Variants in MICAL2 observed in about 807,000 individuals in gnomAD.
MICAL2 encodes microtubule associated monooxygenase, calponin and LIM domain containing 2.
MICAL2 carries 77 observed loss-of-function variants against 127.3 expected under a neutral mutation model. The observed-to-expected ratio is 0.60, with a 90% confidence interval of 0.50 to 0.73. The LOEUF (loss-of-function observed/expected upper bound fraction) is 0.73, where lower values mean the gene tolerates loss of function less well. Among genes scored for constraint, MICAL2 ranks in the 30% least tolerant of loss-of-function variants. The pLI is 0.00. For missense variants in MICAL2, 1,351 were observed against 1,434.4 expected (o/e 0.94, Z 0.94); for synonymous variants, 570 against 551.1 (o/e 1.03, Z -0.48).
At chr11:12,292,385 C>A (rs999924891), downstream of MICAL2, 5 of 1,449,050 alleles carry the variant, frequency 3.5e-6, no homozygotes, top group African/African-American at 7.0e-5. Context: ...CTGGATTCCA[C>A]GTGCTCATAG....
At chr11:12,269,507 C>T (rs765107499) in intron 24 of MICAL2, among the ~76,000 whole-genome samples, 2 of 152,218 alleles carry the variant, frequency 1.3e-5, no homozygotes, top group Non-Finnish European at 2.9e-5. Context: ...CGTGTGCCCC[C>T]ACCCCTCACC....
At chr11:12,255,540 G>T in intron 22 of MICAL2, 103 bp from the exon 23 acceptor site, 1 of 973,524 alleles carries the variant, frequency 1.0e-6, no homozygotes, top group East Asian at 2.6e-5. Context: ...ATTTGCATGT[G>T]GGTGAGGAGC....
chr11:12,236,370 A>G (rs1298246237), intron 16 of MICAL2, 125 bp downstream of exon 16: 2 of 832,336 alleles, frequency 2.4e-6, no homozygotes, highest in Non-Finnish European at 4.0e-6. Context: ...CTGGGTTCCA[A>G]GCTTGGCGTG....
At chr11:12,194,695 A>G (rs1377566017) in intron 3 of MICAL2, among the ~76,000 whole-genome samples, 2 of 152,044 alleles carry the variant, frequency 1.3e-5, no homozygotes, top group Admixed American at 1.3e-4. Context: ...TCTCCAGAAG[A>G]AGATCGCTGG....
At chr11:12,253,729 G>C (rs1861899641) in intron 22 of MICAL2, 1 of 152,312 alleles carries the variant, frequency 6.6e-6, no homozygotes, top group South Asian at 2.1e-4. Context: ...GCCAGGTGAG[G>C]AGAGGCACAG....
chr11:12,283,097 T>C (rs1454065208), intron 2 of MICAL2, among the ~76,000 whole-genome samples: 1 of 152,230 alleles, frequency 6.6e-6, no homozygotes, highest in African/African-American at 2.4e-5. Flanking sequence ...TGTTTTATCA[T>C]TGCTAGGTGG....
intron 1 of MICAL2, among the ~76,000 whole-genome samples, chr11:12,133,247 A>G (rs1162808320): frequency 6.6e-6 from 1 of 152,010 alleles, no homozygotes; most frequent in East Asian, 1.9e-4. Context: ...ACACCTGGCT[A>G]ATTTTTGTAT....
chr11:12,324,490 T>C (rs894710085), intron 31 of MICAL2, among the ~76,000 whole-genome samples: 3 of 152,244 alleles, frequency 2.0e-5, no homozygotes, highest in African/African-American at 7.2e-5. Flanking sequence ...TCAAGATTAG[T>C]TGAAATCATA....
chr11:12,146,292 G>T (rs1852895690), intron 2 of MICAL2, among the ~76,000 whole-genome samples: 1 of 152,336 alleles, frequency 6.6e-6, no homozygotes, highest in East Asian at 1.9e-4. Context: ...TACAGAATGG[G>T]AGAAAATTTT....
chr11:12,222,833 C>T, intron 11 of MICAL2, 90 bp downstream of exon 11: 1 of 1,530,688 alleles, frequency 6.5e-7, no homozygotes, highest in Non-Finnish European at 8.8e-7. Flanking sequence ...AATTTTGGTC[C>T]ATTCCTGGGA....
In MICAL2 at chr11:12,213,284, C is replaced by G. The variant is rs753391264; in HGVS notation, c.721C>G (p.Leu241Val). ...GFRRKEFRGK[L>V]AIAITANFIN... ...CAGAAGAAAAGAATTCCGTGGGAAG[C>G]TGGCGATTGCCATCACCGCCAACTT... is the stretch of plus-strand genomic sequence containing the variant. The change falls in exon 7 of 28, where the codon CTG becomes GTG. Residue 241 changes from leucine to valine, a missense_variant. Around this residue, in one of 2 missense-constraint regions of MICAL2, gnomAD observed 599 missense variants for 714.9 expected, o/e 0.84. Coordinates refer to ENST00000683283, the MANE Select transcript of MICAL2 (RefSeq NM_001282663.2). 6.2e-7 allele frequency: 1 copy of G among 1,612,848 alleles called. No homozygotes were observed. Among genetic ancestry groups the G allele is most frequent in the Non-Finnish European group, 8.5e-7 (1 of 1,179,078 alleles).
downstream of MICAL2, chr11:12,293,920 GGAA>G (rs1863938146): frequency 1.2e-6 from 2 of 1,612,520 alleles, no homozygotes; most frequent in Middle Eastern, 1.6e-4. Context: ...GAGCCAGGAA[GGAA>G]GAAGAGGGAG....
intron 33 of MICAL2, among the ~76,000 whole-genome samples, chr11:12,352,925 G>T (rs1939074795): frequency 2.6e-5 from 4 of 152,206 alleles, no homozygotes. Flanking sequence ...GCAGGAACGG[G>T]GCAACTGCAG....
downstream of MICAL2, chr11:12,294,593 A>C (rs781025202): frequency 6.2e-7 from 1 of 1,614,104 alleles, no homozygotes; most frequent in Admixed American, 1.7e-5. Flanking sequence ...AGATGCTTCT[A>C]AGCCTCCAAA....
chr11:12,256,848 A>G lies in MICAL2; in HGVS notation c.3019A>G (p.Lys1007Glu). 1 of 1,614,162 alleles carries G rather than the reference A, an allele frequency of 6.2e-7. No homozygotes were observed. The highest frequency in any genetic ancestry group is 8.5e-7 in the Non-Finnish European group (1 of 1,179,988). ...CAGCGACACGTGTTACTTCTGTAAGAAACGTGTGTACGTGATGGAACGGCT... is the reference window on the plus strand; with the variant it reads ...CAGCGACACGTGTTACTTCTGTAAGGAACGTGTGTACGTGATGGAACGGCT... ...GGSDTCYFCK[K>E]RVYVMERLSA... Residue 1007 changes from lysine (K) to glutamate (E), a missense_variant, in exon 24 of 28, where the codon AAA becomes GAA. Lys to Glu is a moderately conservative substitution (Grantham distance 56). Coordinates refer to ENST00000683283, the MANE Select transcript of MICAL2 (RefSeq NM_001282663.2).
intron 3 of MICAL2, among the ~76,000 whole-genome samples, chr11:12,199,682 G>A (rs574159954): frequency 1.3e-5 from 2 of 152,200 alleles, no homozygotes; most frequent in Admixed American, 6.5e-5. Flanking sequence ...GAAGTCACAC[G>A]TGAGCTGGGG....
upstream of MICAL2, among the ~76,000 whole-genome samples, chr11:12,272,160 G>A (rs977707071): frequency 5.3e-5 from 8 of 152,178 alleles, no homozygotes; most frequent in East Asian, 3.9e-4. Flanking sequence ...GCTCTGAGGC[G>A]TGGGGGCTGT....
downstream of MICAL2, among the ~76,000 whole-genome samples, chr11:12,266,433 T>A (rs1306728289): frequency 6.6e-6 from 1 of 152,212 alleles, no homozygotes; most frequent in Non-Finnish European, 1.5e-5. Context: ...CATTCATTTT[T>A]ACAACTTAAG....
intron 3 of MICAL2, among the ~76,000 whole-genome samples, chr11:12,189,475 G>A (rs543911603): frequency 1.3e-5 from 2 of 152,250 alleles, no homozygotes; most frequent in Middle Eastern, 3.4e-3. Flanking sequence ...TTTCCCGTTG[G>A]TACATGGGTA....
Sources: gnomAD v4.1 joint callset for allele counts (sites outside exome capture counted in the v4.1 genomes callset) on GRCh38, gnomAD v4.1.1 for gene constraint, gnomAD v4.1.1 regional missense constraint, MANE v1.5 for transcripts, NCBI Gene and HGNC (gene_info 2026-07-23, HGNC 2026-07-21) for gene names.